The following TET1 variants were observed in gnomAD, a reference collection of about 807,000 sequenced individuals.
TET1 encodes the protein tet methylcytosine dioxygenase 1, also known as methylcytosine dioxygenase TET1.
TET1 carries 13 observed loss-of-function variants against 148.7 expected under a neutral mutation model. The observed-to-expected ratio is 0.09, with a 90% CI of 0.06 to 0.14. The LOEUF is 0.14. Among genes scored for constraint, TET1 ranks in the 10% least tolerant of loss-of-function variants. The pLI, the probability that TET1 is intolerant of heterozygous loss-of-function variation, is 1.00. For missense variants in TET1, 2,182 were observed against 2,553.8 expected (o/e 0.85, Z 3.14); for synonymous variants, 907 against 937.2 (o/e 0.97, Z 0.59).
chr10:68,594,697 G>GAA (rs2053957818), intron 2 of TET1, among the ~76,000 whole-genome samples: 1 of 152,110 alleles, frequency 6.6e-6, no homozygotes. Context: ...CTATGAGAGA[G>GAA]AACGGGCGCG....
At chr10:68,672,513 A>ACCAAAAAAAAAAAAAAAAAAAAC (rs2055289286) in intron 7 of TET1, among the ~76,000 whole-genome samples, 1 of 107,942 alleles carries the variant, frequency 9.3e-6, no homozygotes, top group South Asian at 3.1e-4. Flanking sequence ...AAAAAAAAAC[A>ACCAAAAAAAAAAAAAAAAAAAAC]CCAAAAAAAA....
chr10:68,656,499 T>C (rs2055023955), intron 6 of TET1, among the ~76,000 whole-genome samples: 1 of 152,224 alleles, frequency 6.6e-6, no homozygotes, highest in Non-Finnish European at 1.5e-5. Context: ...CCTAACCTCA[T>C]GATCTGCCCA....
intron 10 of TET1, 53 bp from the exon 11 acceptor site, chr10:68,686,303 T>G: frequency 2.1e-6 from 3 of 1,452,860 alleles, no homozygotes; most frequent in Non-Finnish European, 2.8e-6. Context: ...ATAGCCACAA[T>G]GAATGTGCAC....
At chr10:68,655,911 T>C (rs1329335327) in intron 6 of TET1, among the ~76,000 whole-genome samples, 1 of 152,070 alleles carries the variant, frequency 6.6e-6, no homozygotes, top group Non-Finnish European at 1.5e-5. Flanking sequence ...TTACAGCCAC[T>C]CCTCATTGCT....
intron 2 of TET1, among the ~76,000 whole-genome samples, chr10:68,598,561 C>T (rs1415882801): frequency 6.6e-6 from 1 of 152,048 alleles, no homozygotes; most frequent in African/African-American, 2.4e-5. Context: ...CAGAGAGCTT[C>T]TTATAGATAG....
intron 8 of TET1, chr10:68,674,850 A>G (rs1049096436): frequency 2.3e-6 from 1 of 433,384 alleles, no homozygotes; most frequent in Non-Finnish European, 4.4e-6. Flanking sequence ...GTGCAGACAA[A>G]TTACTTGAAA....
intron 3 of TET1, among the ~76,000 whole-genome samples, chr10:68,605,281 T>C (rs2054108110): frequency 6.6e-6 from 1 of 152,144 alleles, no homozygotes; most frequent in South Asian, 2.1e-4. Context: ...GAGACCAGCC[T>C]GACCAACATA....
chr10:68,581,285 T>C (rs552099865), intron 2 of TET1, among the ~76,000 whole-genome samples: 1 of 152,202 alleles, frequency 6.6e-6, no homozygotes, highest in Non-Finnish European at 1.5e-5. Context: ...TTACAGATAA[T>C]TAAAACTGCT....
intron 3 of TET1, among the ~76,000 whole-genome samples, chr10:68,623,841 AAAG>A (rs1351546576): frequency 6.6e-6 from 1 of 152,174 alleles, no homozygotes; most frequent in Non-Finnish European, 1.5e-5. Context: ...TGGCATGTAC[AAAG>A]AAGATTATTT....
rs553591899 is a variant in TET1 at position 68,597,030 on chromosome 10, A to ATTTTTT, written c.1915-3935_1915-3930dup. ...ATTTTCATGATCACACAGCTAATGG[A>ATTTTTT]TTTTTTTTTTTTTTTTTTTTTGAGA... On this transcript the variant is annotated intron_variant, in intron 2 of 11. Coordinates refer to ENST00000373644, the MANE Select transcript of TET1 (RefSeq NM_030625.3). Among the ~76,000 whole-genome samples, 66 of 98,874 alleles carry ATTTTTT rather than the reference A, an allele frequency of 6.7e-4. 6 individuals carry two copies. Among genetic ancestry groups the ATTTTTT allele is most frequent in the South Asian group, 1.9e-3 (5 of 2,694 alleles). 64.9% of individuals were successfully genotyped at this position (98,874 alleles called of 152,430 possible). A position where few individuals can be genotyped will look rare whatever the true frequency, so the allele number is the denominator to read the frequency against.
At chr10:68,625,330 G>GT (rs1195732007) in intron 3 of TET1, among the ~76,000 whole-genome samples, 1 of 152,196 alleles carries the variant, frequency 6.6e-6, no homozygotes, top group Non-Finnish European at 1.5e-5. Context: ...AAGAAGCCTT[G>GT]TAGAAATTGC....
At chr10:68,678,053 G>A (rs1310189910) in intron 8 of TET1, among the ~76,000 whole-genome samples, 1 of 152,176 alleles carries the variant, frequency 6.6e-6, no homozygotes, top group African/African-American at 2.4e-5. Flanking sequence ...GAGCCACCAC[G>A]CCCAGCCAGA....
Position 68,573,698 on chromosome 10 carries a change from A to G in TET1, c.1360A>G (p.Ser454Gly). ...NAPSKWPEPQSTVSYGLAVQG... is the reference protein window; with the variant it reads ...NAPSKWPEPQGTVSYGLAVQG... The stretch of plus-strand genomic sequence containing the variant: ...TCCTTCCAAATGGCCTGAGCCCCAA[A>G]GCACTGTCTCATATGGACTTGCAGT... The change falls in exon 2 of 12, where the codon AGC becomes GGC. Residue 454 changes from serine to glycine, a missense_variant. Coordinates refer to ENST00000373644, the MANE Select transcript of TET1 (RefSeq NM_030625.3). 1 of 1,614,132 alleles carries G rather than the reference A, an allele frequency of 6.2e-7. No individual in the cohort carries two copies. Among genetic ancestry groups the G allele is most frequent in the Non-Finnish European group, 8.5e-7 (1 of 1,180,042 alleles).
chr10:68,580,782 CAAAAAAAAAAA>C (rs71483915), intron 2 of TET1, among the ~76,000 whole-genome samples: 1 of 95,298 alleles, frequency 1.0e-5, no homozygotes, highest in African/African-American at 4.3e-5. Flanking sequence ...AACTCCATCT[CAAAAAAAAAAA>C]AAAAAAAAAA....
chr10:68,672,316 C>T (rs982462049), intron 7 of TET1, among the ~76,000 whole-genome samples: 5 of 150,926 alleles, frequency 3.3e-5, no homozygotes, highest in Admixed American at 2.0e-4. Flanking sequence ...TGATGAAACC[C>T]GTCTCTACTA....
At chr10:68,652,975 AT>A (rs1448607684) in intron 6 of TET1, among the ~76,000 whole-genome samples, 1 of 150,524 alleles carries the variant, frequency 6.6e-6, no homozygotes, top group African/African-American at 2.4e-5. Flanking sequence ...TTTTAAGTAA[AT>A]TGGCCATTTG....
chr10:68,590,075 T>G (rs1463968307), intron 2 of TET1, among the ~76,000 whole-genome samples: 1 of 152,212 alleles, frequency 6.6e-6, no homozygotes, highest in Non-Finnish European at 1.5e-5. Context: ...GCTACAGTTG[T>G]ACGGACTGAG....
chr10:68,562,433 A>G (rs1191982654), intron 1 of TET1, among the ~76,000 whole-genome samples: 2 of 151,488 alleles, frequency 1.3e-5, no homozygotes, highest in South Asian at 2.1e-4. Context: ...CAAACCAAGA[A>G]TCAAAAGACT....
At chr10:68,640,540 C>CTT (rs2054731047) in intron 3 of TET1, among the ~76,000 whole-genome samples, 2 of 73,614 alleles carry the variant, frequency 2.7e-5, no homozygotes, top group African/African-American at 5.0e-5. Flanking sequence ...TTCTTTCTTT[C>CTT]TTTCTTTTTT....
Sources: gnomAD v4.1 joint callset for allele counts (sites outside exome capture counted in the v4.1 genomes callset) on GRCh38, gnomAD v4.1.1 for gene constraint, MANE v1.5 for transcripts, NCBI Gene and HGNC (gene_info 2026-07-23, HGNC 2026-07-21) for gene names.